Variants in ARHGAP42 observed in about 807,000 individuals in gnomAD.
The protein encoded by ARHGAP42 is Rho GTPase activating protein 42, also known as rho GTPase-activating protein 42.
Under a neutral mutation model 125.0 loss-of-function variants are expected in ARHGAP42, and 63 were observed. The observed-to-expected ratio is 0.50, with a 90% CI of 0.41 to 0.62. The LOEUF (loss-of-function observed/expected upper bound fraction) is 0.62, where lower values mean the gene tolerates loss of function less well. ARHGAP42 is among the 20% of genes least tolerant of loss of function. ARHGAP42 has a pLI of 0.00. For missense variants in ARHGAP42, 766 were observed against 1,024.2 expected (o/e 0.75, Z 3.44); for synonymous variants, 339 against 351.0 (o/e 0.97, Z 0.38).
At chr11:100,795,797 A>G (rs557789394) in intron 3 of ARHGAP42, among the ~76,000 whole-genome samples, 1 of 152,370 alleles carries the variant, frequency 6.6e-6, no homozygotes, top group African/African-American at 2.4e-5. Flanking sequence ...TGGGAAAAAT[A>G]GTAGTATATA....
chr11:100,848,861 T>G (rs1865134315), intron 3 of ARHGAP42, among the ~76,000 whole-genome samples: 1 of 152,174 alleles, frequency 6.6e-6, no homozygotes, highest in South Asian at 2.1e-4. Context: ...CATAATTATA[T>G]AGGATGATTC....
chr11:100,726,536 C>T (rs1861864853), intron 1 of ARHGAP42, among the ~76,000 whole-genome samples: 1 of 152,158 alleles, frequency 6.6e-6, no homozygotes, highest in Admixed American at 6.5e-5. Context: ...AATGCAATGA[C>T]AGTTACCATT....
intron 17 of ARHGAP42, among the ~76,000 whole-genome samples, chr11:100,970,252 G>C (rs1438439818): frequency 6.6e-6 from 1 of 152,160 alleles, no homozygotes; most frequent in Non-Finnish European, 1.5e-5. Flanking sequence ...GCCTCCAAAA[G>C]TGGTGGGATT....
Position 100,913,449 on chromosome 11 carries a change from T to C in ARHGAP42, c.385-3T>C. The stretch of plus-strand genomic sequence containing the variant: ...ATTTTTTGTTGTTATTGCTCTCCTT[T>C]AGGATGGAAAGAAGAAGTTTGACAA... On this transcript the variant is annotated splice_polypyrimidine_tract_variant and splice_region_variant and intron_variant, in intron 4 of 23. Transcript: ENST00000298815. 7.9e-7 allele frequency: 1 copy of C among 1,267,558 alleles called. No homozygotes were observed. Among genetic ancestry groups the C allele is most frequent in the Non-Finnish European group, 1.0e-6 (1 of 969,838 alleles). The allele number at this position is 1,267,558 out of a possible 1,614,324, so 78.5% of individuals were successfully genotyped here. A position where few individuals can be genotyped will look rare whatever the true frequency, so the allele number is the denominator to read the frequency against.
At chr11:100,689,776 T>A (rs1228656674) in intron 1 of ARHGAP42, among the ~76,000 whole-genome samples, 2 of 152,214 alleles carry the variant, frequency 1.3e-5, no homozygotes, top group Admixed American at 6.5e-5. Flanking sequence ...TCTTTCATTG[T>A]GAAAAGGAAA....
At chr11:100,927,785 C>T (rs1867467171) in intron 6 of ARHGAP42, among the ~76,000 whole-genome samples, 1 of 152,154 alleles carries the variant, frequency 6.6e-6, no homozygotes, top group Non-Finnish European at 1.5e-5. Flanking sequence ...TCCAATGACG[C>T]TTTTCAGTGC....
chr11:100,966,272 G>A (rs1858091939), intron 17 of ARHGAP42, among the ~76,000 whole-genome samples: 1 of 152,012 alleles, frequency 6.6e-6, no homozygotes, highest in Non-Finnish European at 1.5e-5. Flanking sequence ...TCTCTTTGTA[G>A]ATAAATACTG....
At chr11:100,950,180 C>T (rs1287000819) in intron 12 of ARHGAP42, among the ~76,000 whole-genome samples, 1 of 149,114 alleles carries the variant, frequency 6.7e-6, no homozygotes, top group Non-Finnish European at 1.5e-5. Flanking sequence ...TACTTATTTA[C>T]ATGCCTTGGT....
chr11:100,800,630 C>T (rs1229799767), intron 3 of ARHGAP42, among the ~76,000 whole-genome samples: 3 of 152,080 alleles, frequency 2.0e-5, no homozygotes, highest in African/African-American at 7.2e-5. Flanking sequence ...CTTAGTGTTT[C>T]AAAGATCTTC....
At chr11:100,903,709 A>AAAAAAAAAAAAAT (rs1332890022) in intron 4 of ARHGAP42, among the ~76,000 whole-genome samples, 20 of 63,496 alleles carry the variant, frequency 3.1e-4, no homozygotes, top group Non-Finnish European at 5.3e-4. Flanking sequence ...TGTCCCTCAA[A>AAAAAAAAAAAAAT]ATATATATAT....
intron 2 of ARHGAP42, among the ~76,000 whole-genome samples, chr11:100,780,063 T>C (rs545561363): frequency 5.3e-5 from 8 of 151,800 alleles, no homozygotes; most frequent in Non-Finnish European, 1.2e-4. Context: ...AAAATATTTA[T>C]AAATATTAAA....
At chr11:100,896,667 C>T (rs1866373865) in intron 4 of ARHGAP42, among the ~76,000 whole-genome samples, 1 of 152,118 alleles carries the variant, frequency 6.6e-6, no homozygotes, top group Admixed American at 6.6e-5. Context: ...ATATCCTTTG[C>T]CCACTTTTTG....
intron 3 of ARHGAP42, among the ~76,000 whole-genome samples, chr11:100,807,050 G>A (rs1864013480): frequency 6.6e-6 from 1 of 152,096 alleles, no homozygotes; most frequent in African/African-American, 2.4e-5. Context: ...GTTTCACCGT[G>A]TTGGCCAGGC....
At chr11:100,803,396 T>C (rs145432341) in intron 3 of ARHGAP42, among the ~76,000 whole-genome samples, 7 of 152,246 alleles carry the variant, frequency 4.6e-5, no homozygotes, top group African/African-American at 1.7e-4. Context: ...TCACCCAGGC[T>C]AAGAGTATGA....
intron 4 of ARHGAP42, among the ~76,000 whole-genome samples, chr11:100,880,609 AC>A (rs1418216948): frequency 6.6e-6 from 1 of 152,196 alleles, no homozygotes; most frequent in Non-Finnish European, 1.5e-5. Context: ...CTGGCTAGAT[AC>A]CCAGTAGTGG....
At chr11:100,718,017 A>T (rs74997273) in intron 1 of ARHGAP42, among the ~76,000 whole-genome samples, 35,706 of 152,068 alleles carry the variant, frequency 0.23, 4,386 homozygotes, top group Non-Finnish European at 0.26. Context: ...GTACACATGC[A>T]TGAGGATACA....
chr11:100,977,108 C>A, intron 21 of ARHGAP42, 137 bp downstream of exon 21: 1 of 954,190 alleles, frequency 1.0e-6, no homozygotes, highest in Non-Finnish European at 1.5e-6. Context: ...CAGTCCACTT[C>A]TGTAAGACTC....
intron 6 of ARHGAP42, among the ~76,000 whole-genome samples, chr11:100,927,922 T>A (rs966632992): frequency 6.6e-6 from 1 of 152,242 alleles, no homozygotes; most frequent in East Asian, 1.9e-4. Flanking sequence ...CTGGCCACTT[T>A]CCATTCTTGG....
intron 2 of ARHGAP42, among the ~76,000 whole-genome samples, chr11:100,787,855 A>G (rs1194410589): frequency 6.6e-6 from 1 of 152,230 alleles, no homozygotes; most frequent in Non-Finnish European, 1.5e-5. Context: ...TGGATTCCAA[A>G]GTAGGAATTC....
Sources: allele counts gnomAD v4.1 joint callset (sites outside exome capture counted in the v4.1 genomes callset), GRCh38; gene constraint gnomAD v4.1.1; transcripts MANE v1.5; gene names NCBI Gene and HGNC (gene_info 2026-07-23, HGNC 2026-07-21).